The following SKAP1 variants were observed in gnomAD, a reference collection of about 807,000 sequenced individuals.
The protein encoded by SKAP1 is src kinase-associated phosphoprotein 1.
SKAP1 carries 44 observed loss-of-function variants against 58.5 expected under a neutral mutation model. That is an observed-to-expected ratio of 0.75 (90% CI 0.59 to 0.97). The LOEUF is 0.97. SKAP1 is among the 50% of genes least tolerant of loss of function. The pLI is 0.00. For missense variants in SKAP1, 390 were observed against 435.2 expected (o/e 0.90, Z 0.92); for synonymous variants, 127 against 149.7 (o/e 0.85, Z 1.11).
At chr17:48,390,663 G>A (rs1203458052) in intron 2 of SKAP1, among the ~76,000 whole-genome samples, 1 of 152,160 alleles carries the variant, frequency 6.6e-6, no homozygotes, top group Admixed American at 6.5e-5. Flanking sequence ...TGCAAGTTCA[G>A]TTACCTGCCT....
chr17:48,227,058 T>C (rs76051759), intron 4 of SKAP1, among the ~76,000 whole-genome samples: 1 of 152,290 alleles, frequency 6.6e-6, no homozygotes, highest in Non-Finnish European at 1.5e-5. Flanking sequence ...TTGCTTTGAA[T>C]TCTGGCACAG....
intron 11 of SKAP1, among the ~76,000 whole-genome samples, chr17:48,138,422 T>G (rs2063728173): frequency 6.7e-6 from 1 of 150,054 alleles, no homozygotes; most frequent in Non-Finnish European, 1.5e-5. Flanking sequence ...CAGGCTGGAG[T>G]GCAGTGGCGC....
intron 3 of SKAP1, among the ~76,000 whole-genome samples, chr17:48,357,878 G>A (rs1324049462): frequency 6.6e-6 from 1 of 152,104 alleles, no homozygotes; most frequent in African/African-American, 2.4e-5. Flanking sequence ...AAGAAAAAGG[G>A]GGAAAATGCC....
the SKAP1 span, among the ~76,000 whole-genome samples, chr17:48,442,158 C>T: frequency 0.012 from 1,881 of 152,250 alleles, 30 homozygotes; most frequent in African/African-American, 0.039. Context: ...GTTGTTAATA[C>T]TCCAGTAGTT....
upstream of SKAP1, among the ~76,000 whole-genome samples, chr17:48,435,108 A>G (rs2067933337): frequency 6.6e-6 from 1 of 152,222 alleles, no homozygotes; most frequent in African/African-American, 2.4e-5. Flanking sequence ...ACTGCACTCC[A>G]GCCTCGGCAA....
intron 4 of SKAP1, among the ~76,000 whole-genome samples, chr17:48,252,713 AGTGTGTGTGTGTGTGTGTGTGTGT>A (rs71141977): frequency 1.0e-4 from 15 of 145,026 alleles, no homozygotes; most frequent in Non-Finnish European, 2.3e-4. Context: ...GCTCTAAGCT[AGTGTGTGTGTGTGTGTGTGTGTGT>A]GTGTGTGTGT....
At chr17:48,407,107 T>A (rs2067596098) in intron 1 of SKAP1, among the ~76,000 whole-genome samples, 1 of 152,146 alleles carries the variant, frequency 6.6e-6, no homozygotes, top group Non-Finnish European at 1.5e-5. Flanking sequence ...CCTACATATA[T>A]TATGAGTCAA....
chr17:48,173,111 T>C (rs2064238323), intron 9 of SKAP1, among the ~76,000 whole-genome samples: 2 of 152,064 alleles, frequency 1.3e-5, no homozygotes, highest in Admixed American at 1.3e-4. Context: ...GCCCAAGAGT[T>C]TGAGGCTGCA....
chr17:48,145,526 T>C (rs969329685), intron 11 of SKAP1, among the ~76,000 whole-genome samples: 2 of 152,110 alleles, frequency 1.3e-5, no homozygotes, highest in Non-Finnish European at 2.9e-5. Flanking sequence ...TGACTCTGCC[T>C]CCAGTGGTTT....
chr17:48,384,803 C>G (rs2041182580), intron 2 of SKAP1, among the ~76,000 whole-genome samples: 1 of 152,144 alleles, frequency 6.6e-6, no homozygotes, highest in Admixed American at 6.5e-5. Flanking sequence ...GAGGAACACC[C>G]AGAAGGAGGT....
At chr17:48,326,522 TA>T (rs1489364512) in intron 4 of SKAP1, among the ~76,000 whole-genome samples, 1 of 152,224 alleles carries the variant, frequency 6.6e-6, no homozygotes, top group African/African-American at 2.4e-5. Flanking sequence ...AGCATCCCTG[TA>T]AGTGAAGAAG....
intron 4 of SKAP1, among the ~76,000 whole-genome samples, chr17:48,274,246 A>C (rs1372168706): frequency 1.3e-5 from 2 of 151,826 alleles, no homozygotes; most frequent in Non-Finnish European, 2.9e-5. Flanking sequence ...AATACAAAAA[A>C]TTAGCTGGGC....
chr17:48,156,368 C>T (rs1051539249), intron 11 of SKAP1: 3 of 273,774 alleles, frequency 1.1e-5, no homozygotes, highest in Admixed American at 7.5e-5. Flanking sequence ...TCGCCGGCAT[C>T]GTGGGAAGTA....
At chr17:48,210,518 G>C (rs1022656807) in intron 4 of SKAP1, among the ~76,000 whole-genome samples, 1 of 152,080 alleles carries the variant, frequency 6.6e-6, no homozygotes, top group South Asian at 2.1e-4. Flanking sequence ...CCAGGTGGAG[G>C]GCCTGGACAG....
chr17:48,303,373 C>CCA (rs2066089277), intron 4 of SKAP1, among the ~76,000 whole-genome samples: 1 of 152,190 alleles, frequency 6.6e-6, no homozygotes, highest in African/African-American at 2.4e-5. Context: ...CTCATCTCAA[C>CCA]CACTTCAAAT....
At chr17:48,308,763 TAAA>T (rs1218060873) in intron 4 of SKAP1, 3 of 152,252 alleles carry the variant, frequency 2.0e-5, no homozygotes, top group Non-Finnish European at 4.4e-5. Context: ...TCCTTATCTG[TAAA>T]ATGGAGATAA....
chr17:48,264,178 A>G (rs1360433672), intron 4 of SKAP1, among the ~76,000 whole-genome samples: 1 of 149,322 alleles, frequency 6.7e-6, no homozygotes, highest in Non-Finnish European at 1.5e-5. Context: ...TTTCTAAAGC[A>G]TTTGATATCT....
At chr17:48,300,654 T>C (rs1332152310) in intron 4 of SKAP1, among the ~76,000 whole-genome samples, 2 of 152,238 alleles carry the variant, frequency 1.3e-5, no homozygotes, top group African/African-American at 4.8e-5. Context: ...TGCTCCTCCA[T>C]GAATTCTCTA....
Position 48,363,790 on chromosome 17 carries a change from T to G in SKAP1, c.177A>C (p.Gln59His). Residue 59 changes from glutamine (Q) to histidine (H), a missense_variant and splice_region_variant, in exon 3 of 13, where the codon CAA becomes CAC. Transcript: ENST00000336915. ...KARYYWDFQPQGGDIGQDSSD... is the reference protein window; with the variant it reads ...KARYYWDFQPHGGDIGQDSSD... ...CATACGTGGTCAAAGAGGACTCACC[T>G]TGGGGCTGAAAATCCCAATAGTACC... 6.2e-7 allele frequency: 1 copy of G among 1,607,422 alleles called. No individual in the cohort carries two copies. Among genetic ancestry groups the G allele is most frequent in the South Asian group, 1.1e-5 (1 of 90,002 alleles).
Sources: gnomAD v4.1 joint callset for allele counts (sites outside exome capture counted in the v4.1 genomes callset) on GRCh38, gnomAD v4.1.1 for gene constraint, MANE v1.5 for transcripts, NCBI Gene and HGNC (gene_info 2026-07-23, HGNC 2026-07-21) for gene names.